FAM120C: variants seen among roughly 807,000 people sequenced by gnomAD.
FAM120C encodes the protein constitutive coactivator of PPAR-gamma-like protein 2.
A neutral mutation model predicts 71.2 loss-of-function variants in FAM120C; 14 were observed. The ratio of observed to expected loss-of-function variants is 0.20; its 90% CI spans 0.13 to 0.31. The LOEUF (loss-of-function observed/expected upper bound fraction) is 0.31. FAM120C is among the 10% of genes least tolerant of loss of function. FAM120C has a pLI of 1.00. For synonymous variants in FAM120C, 354 were observed against 353.2 expected (o/e 1.00, Z -0.03); for missense variants, 500 against 879.0 (o/e 0.57, Z 5.45).
chrX:54,073,048 T>C lies in FAM120C; in HGVS notation c.3276A>G (p.Gln1092=), dbSNP rs1557120219. 1 of 1,204,588 alleles carries C rather than the reference T, an allele frequency of 8.3e-7. No homozygotes were observed. Among genetic ancestry groups the C allele is most frequent in the Admixed American group, 2.2e-5 (1 of 45,670 alleles). Residue 1092 remains glutamine (Q), a synonymous_variant, in exon 16 of 16, where the codon CAA becomes CAG. Transcript: ENST00000375180. ...LQEQKLETVA[Q]RKED is the part of the protein sequence containing the mutation. ...CTTCAGCTTATCAGTCCTCTTTCCG[T>C]TGTGCCACAGTTTCTAGCTTTTGCT...
At chrX:54,097,916 C>T (rs782475910) in intron 10 of FAM120C, among the ~76,000 whole-genome samples, 2 of 110,609 alleles carry the variant, frequency 1.8e-5, no homozygotes, top group South Asian at 3.8e-4. Context: ...TTAGTAGAGA[C>T]GGGGTTTGAC....
chrX:54,165,348 T>C (rs782266828), intron 1 of FAM120C, among the ~76,000 whole-genome samples: 1 of 112,006 alleles, frequency 8.9e-6, no homozygotes, highest in Non-Finnish European at 1.9e-5. Context: ...TTATATGCCA[T>C]TTATTTGTTT....
In FAM120C at chrX:54,151,356, C is replaced by T; in HGVS notation, c.1047G>A (p.Leu349=). 8.3e-7 allele frequency: 1 copy of T among 1,209,301 alleles called. No individual in the cohort carries two copies. Among genetic ancestry groups the T allele is most frequent in the Non-Finnish European group, 1.1e-6 (1 of 894,633 alleles). The change falls in exon 4 of 16, where the codon CTG becomes CTA. Residue 349 remains leucine, a synonymous_variant. Transcript: ENST00000375180. ...TCACCACGTCACAGGGAGGAAGAAC[C>T]AGCTGATGAGCTCGAACCTAGAAAG... ...LASLKVRAHQ[L]VLPPCDVVIK...
intron 10 of FAM120C, among the ~76,000 whole-genome samples, chrX:54,101,802 G>A (rs139905563): frequency 4.7e-4 from 52 of 111,217 alleles, no homozygotes; most frequent in African/African-American, 1.5e-3. Context: ...AATGGCCTTC[G>A]CTGTCCATAT....
intron 4 of FAM120C, among the ~76,000 whole-genome samples, chrX:54,142,298 C>G (rs953936948): frequency 2.7e-5 from 3 of 112,151 alleles, no homozygotes; most frequent in Non-Finnish European, 5.6e-5. Flanking sequence ...CTGGGAAGCG[C>G]AAGGGGTCGG....
Position 54,183,112 on chromosome X carries a change from C to A in FAM120C, c.87G>T (p.Thr29=). The change falls in exon 1 of 16, where the codon ACG becomes ACT. Residue 29 remains threonine (T), a synonymous_variant. Coordinates refer to ENST00000375180, the MANE Select transcript of FAM120C (RefSeq NM_017848.6). ...VPVDLLKLAR[T]VSRQQQQQHL... Reference sequence around the variant, plus strand: ...GCTGCTGCTGCTGCTGGCGCGAGACCGTGCGCGCGAGTTTTAGGAGGTCCA... The same window carrying A: ...GCTGCTGCTGCTGCTGGCGCGAGACAGTGCGCGCGAGTTTTAGGAGGTCCA... The A allele has an allele frequency of 8.6e-7, 1 of 1,157,121 alleles. No individual in the cohort carries two copies. Among genetic ancestry groups the A allele is most frequent in the Non-Finnish European group, 1.1e-6 (1 of 871,044 alleles).
intron 1 of FAM120C, among the ~76,000 whole-genome samples, chrX:54,178,505 T>C (rs1603366123): frequency 9.0e-6 from 1 of 111,705 alleles, no homozygotes; most frequent in Non-Finnish European, 1.9e-5. Flanking sequence ...TACTAGTACT[T>C]AGAACAAAGA....
intron 10 of FAM120C, among the ~76,000 whole-genome samples, chrX:54,097,756 T>C (rs1187599455): frequency 1.8e-5 from 2 of 111,482 alleles, no homozygotes; most frequent in African/African-American, 6.5e-5. Context: ...AGATGGACTC[T>C]CGCTCTGTCA....
intron 4 of FAM120C, among the ~76,000 whole-genome samples, chrX:54,143,165 C>T (rs1382329110): frequency 1.8e-5 from 2 of 109,736 alleles, no homozygotes; most frequent in Non-Finnish European, 3.8e-5. Context: ...GATGAAAATT[C>T]TGTGTAGAGG....
At chrX:54,164,772 C>A (rs1557134909) in intron 1 of FAM120C, among the ~76,000 whole-genome samples, 2 of 111,798 alleles carry the variant, frequency 1.8e-5, no homozygotes, top group African/African-American at 6.5e-5. Context: ...GATATATACT[C>A]AGAAGTGGAA....
At chrX:54,140,344 C>T (rs1389492073) in intron 4 of FAM120C, among the ~76,000 whole-genome samples, 3 of 107,550 alleles carry the variant, frequency 2.8e-5, no homozygotes, top group East Asian at 2.9e-4. Context: ...AATAGCTGGG[C>T]GCGGTGGCTC....
chrX:54,143,394 A>G (rs1256737172), intron 4 of FAM120C, among the ~76,000 whole-genome samples: 1 of 110,739 alleles, frequency 9.0e-6, no homozygotes, highest in Admixed American at 9.7e-5. Flanking sequence ...TTTTGAAAAG[A>G]TCAACAAAAT....
At chrX:54,122,921 C>T (rs1557127370) in intron 9 of FAM120C, among the ~76,000 whole-genome samples, 1 of 20,657 alleles carries the variant, frequency 4.8e-5, no homozygotes, top group Non-Finnish European at 7.5e-5. Flanking sequence ...CTGGTGGTGA[C>T]AAAATCTCTC....
At chrX:54,158,117 T>C (rs1227686065) in intron 2 of FAM120C, among the ~76,000 whole-genome samples, 6 of 112,415 alleles carry the variant, frequency 5.3e-5, no homozygotes, top group Non-Finnish European at 3.8e-5. Context: ...CTATTACTTA[T>C]CCCCTAAGTC....
intron 9 of FAM120C, among the ~76,000 whole-genome samples, chrX:54,123,819 T>G (rs1427294473): frequency 2.8e-5 from 2 of 72,455 alleles, no homozygotes; most frequent in African/African-American, 1.1e-4. Context: ...TTCCAGTTTT[T>G]CTGTTCTGTT....
Position 54,182,937 on chromosome X carries a change from CG to C in FAM120C, c.261del (p.Ala88LeufsTer109). On this transcript the variant is annotated frameshift_variant, in exon 1 of 16. Transcript: ENST00000375180. LOFTEE classifies it high-confidence loss of function. The part of the protein sequence containing the change: ...GGAGPTRHHH[P>X]AHHFHHHGQA... ...TGGCCATGATGGTGGAAGTGGTGAG[CG>C]GGGTGATGGTGCCGAGTCGGCCCCG... is the stretch of plus-strand genomic sequence containing the variant. The C allele has an allele frequency of 8.6e-7, 1 of 1,159,843 alleles. No homozygotes were observed.
Position 54,091,369 on chromosome X carries a change from G to A in FAM120C, c.2370C>T (p.Phe790=). The change falls in exon 11 of 16, where the codon TTC becomes TTT. Residue 790 remains phenylalanine, a synonymous_variant. Coordinates refer to ENST00000375180, the MANE Select transcript of FAM120C (RefSeq NM_017848.6). ...RILHRHELDT[F]LAQAVSTQLY... is the part of the protein sequence containing the mutation. Reference sequence around the variant, plus strand: ...GCTGGGTAGACACTGCCTGTGCAAGGAAGGTGTCTAGCTCATGGCGATGCA... The same window carrying A: ...GCTGGGTAGACACTGCCTGTGCAAGAAAGGTGTCTAGCTCATGGCGATGCA... The A allele has an allele frequency of 1.7e-6, 2 of 1,211,473 alleles. No homozygotes were observed. The highest frequency in any genetic ancestry group is 5.9e-5 in the East Asian group (2 of 33,850).
intron 2 of FAM120C, 92 bp downstream of exon 2, chrX:54,159,278 A>G: frequency 9.2e-7 from 1 of 1,081,219 alleles, no homozygotes; most frequent in Non-Finnish European, 1.3e-6. Context: ...AGACAAATCT[A>G]ATGATGACAG....
rs1306637053 is a variant in FAM120C, at chrX:54,071,922, T to G, written c.*1111A>C. Reference sequence around the variant, plus strand: ...TTTCTGGGAAATTGAGTAAATCCTCTGGGACATCACCATGTATGTATGTAT... The same window carrying G: ...TTTCTGGGAAATTGAGTAAATCCTCGGGGACATCACCATGTATGTATGTAT... On this transcript the variant is annotated 3_prime_UTR_variant, in exon 16 of 16. Transcript: ENST00000375180. 1.0e-5 allele frequency: 1 copy of G among 96,574 alleles called. No homozygotes were observed. Among genetic ancestry groups the G allele is most frequent in the Non-Finnish European group, 2.1e-5 (1 of 48,598 alleles). 8.0% of individuals were successfully genotyped at this position (96,574 alleles called of 1,213,427 possible).
Sources: allele counts gnomAD v4.1 joint callset (sites outside exome capture counted in the v4.1 genomes callset), GRCh38; gene constraint gnomAD v4.1.1; transcripts MANE v1.5; gene names NCBI Gene and HGNC (gene_info 2026-07-23, HGNC 2026-07-21).